Variants in HDAC5 observed in about 807,000 individuals in gnomAD.
HDAC5 encodes histone deacetylase 5, also known as antigen NY-CO-9.
A neutral mutation model predicts 133.3 loss-of-function variants in HDAC5; 25 were observed. The observed-to-expected ratio is 0.19, with a 90% confidence interval of 0.14 to 0.26. HDAC5 has a LOEUF of 0.26. HDAC5 is among the 10% of genes least tolerant of loss of function. The pLI is 1.00. For synonymous variants in HDAC5, 589 were observed against 610.8 expected (o/e 0.96, Z 0.53); for missense variants, 1,041 against 1,460.5 (o/e 0.71, Z 4.68).
Position 44,096,678 on chromosome 17 carries a change from G to A in HDAC5, c.95-2844C>T, listed in dbSNP as rs139290814. On this transcript the variant is annotated intron_variant, in intron 3 of 26. Coordinates refer to ENST00000682912, the MANE Select transcript of HDAC5 (RefSeq NM_005474.5). ...TTTAGTAGACACAAGGTTTCACCAT[G>A]TTGGCCAGGCTGGTCTCAAACTCTT... Among the ~76,000 whole-genome samples the A allele has an allele frequency of 1.4e-3, 216 of 152,078 alleles. 2 individuals carry two copies. Among genetic ancestry groups the A allele is most frequent in the African/African-American group, 5.0e-3 (208 of 41,492 alleles).
intron 20 of HDAC5, 115 bp from the exon 21 acceptor site, chr17:44,080,997 G>T: frequency 7.1e-7 from 1 of 1,416,508 alleles, no homozygotes; most frequent in Non-Finnish European, 9.8e-7. Flanking sequence ...ATTTTGGGAG[G>T]CTGAGGGCTG....
intron 9 of HDAC5, 58 bp downstream of exon 9, chr17:44,092,114 C>T (rs1292448543): frequency 6.8e-7 from 1 of 1,468,374 alleles, no homozygotes; most frequent in Non-Finnish European, 9.4e-7. Context: ...TGCACTCTTT[C>T]TTCCATGGGA....
rs1321396279 is a variant in HDAC5, at chr17:44,093,680, G to C, written c.249C>G (p.Leu83=). ...EQQLQQELLA[L]KQQQQLQKQL... is the part of the protein sequence containing the mutation. ...GCTTCTGCAGCTGCTGCTGCTGCTTGAGCGCCAGGAGCTCCTGCTGCAGTT... is the reference window on the plus strand; with the variant it reads ...GCTTCTGCAGCTGCTGCTGCTGCTTCAGCGCCAGGAGCTCCTGCTGCAGTT... The change falls in exon 4 of 27, where the codon CTC becomes CTG. Residue 83 remains leucine, a synonymous_variant. Coordinates refer to ENST00000682912, the MANE Select transcript of HDAC5 (RefSeq NM_005474.5). The C allele has an allele frequency of 6.2e-7, 1 of 1,609,482 alleles. No homozygotes were observed. Among genetic ancestry groups the C allele is most frequent in the East Asian group, 2.2e-5 (1 of 44,746 alleles).
At chr17:44,107,208 T>C (rs71371971) in intron 3 of HDAC5, among the ~76,000 whole-genome samples, 1,857 of 152,290 alleles carry the variant, frequency 0.012, 44 homozygotes, top group African/African-American at 0.042. Context: ...TCCCTCAGGC[T>C]TCCAAAGTGC....
Position 44,091,753 on chromosome 17 carries a change from T to C in HDAC5, c.1111A>G (p.Asn371Asp), listed in dbSNP as rs1289957360. 2 of 1,602,510 alleles carry C rather than the reference T, an allele frequency of 1.2e-6. No homozygotes were observed. The highest frequency in any genetic ancestry group is 1.7e-6 in the Non-Finnish European group (2 of 1,174,308). ...GTGGCCTGCAGCCCTAGGGAGATGT[T>C]GGGCAGAGAAGGAGACGTGTAGAGG... ...FSLYTSPSLP[N>D]ISLGLQATVT... The change falls in exon 10 of 27, where the codon AAC becomes GAC. Residue 371 changes from asparagine to aspartate, a missense_variant. By Grantham distance (23) the Asn-to-Asp change is conservative (BLOSUM62 1). This residue lies in a region of HDAC5 where 433 missense variants were observed against 531.6 expected (regional missense o/e 0.81). Transcript: ENST00000682912.
At chr17:44,095,360 A>G (rs1347316366) in intron 3 of HDAC5, among the ~76,000 whole-genome samples, 1 of 152,198 alleles carries the variant, frequency 6.6e-6, no homozygotes, top group African/African-American at 2.4e-5. Context: ...ATACTAGAAG[A>G]GAAACTGAGG....
At chr17:44,112,326 G>C (rs2052395599) in intron 2 of HDAC5, among the ~76,000 whole-genome samples, 1 of 152,070 alleles carries the variant, frequency 6.6e-6, no homozygotes, top group Non-Finnish European at 1.5e-5. Context: ...TGCACCATGA[G>C]GACCAGTGGC....
At chr17:44,081,027 G>T in intron 20 of HDAC5, 145 bp from the exon 21 acceptor site, 1 of 1,053,194 alleles carries the variant, frequency 9.5e-7, no homozygotes, top group Admixed American at 2.3e-5. Flanking sequence ...CTTGAGCCCA[G>T]GACTCCACCC....
intron 1 of HDAC5, 134 bp downstream of exon 1, chr17:44,123,370 G>T (rs1398750766): frequency 3.0e-6 from 1 of 338,272 alleles, no homozygotes; most frequent in Non-Finnish European, 5.3e-6. Flanking sequence ...CCCAGGGCCG[G>T]GAGGAAGGAA....
intron 12 of HDAC5, 24 bp downstream of exon 12, chr17:44,088,363 G>A (rs369684725): frequency 1.5e-5 from 23 of 1,544,766 alleles, no homozygotes; most frequent in Non-Finnish European, 1.7e-5. Context: ...CACAGCCCCA[G>A]GCCATTCACC....
At position 44,087,508 on chromosome 17, in the gene HDAC5, C is replaced by G; in HGVS notation, c.1788G>C (p.Glu596Asp). ...TAACCTGGATGCAATCCTCCTCCTC[C>G]TCCCCATCGTCTTCCTCGTCCTCCT... is the stretch of plus-strand genomic sequence containing the variant. ...LEEEDEEDDG[E>D]EEEDCIQVKD... Residue 596 changes from glutamate (E) to aspartate (D), a missense_variant, in exon 13 of 27, where the codon GAG becomes GAC. This residue lies in a region of HDAC5 where 433 missense variants were observed against 531.6 expected (regional missense o/e 0.81). Coordinates refer to ENST00000682912, the MANE Select transcript of HDAC5 (RefSeq NM_005474.5). 1 of 1,604,202 alleles carries G rather than the reference C, an allele frequency of 6.2e-7. No homozygotes were observed. The highest frequency in any genetic ancestry group is 8.5e-7 in the Non-Finnish European group (1 of 1,170,968).
At chr17:44,085,517 T>G (rs938773514) in intron 14 of HDAC5, among the ~76,000 whole-genome samples, 1 of 148,588 alleles carries the variant, frequency 6.7e-6, no homozygotes, top group Non-Finnish European at 1.5e-5. Flanking sequence ...TTTTCTTTTG[T>G]TTTTTTTTGA....
chr17:44,094,726 G>GTA (rs1027033077), intron 3 of HDAC5, among the ~76,000 whole-genome samples: 3 of 142,310 alleles, frequency 2.1e-5, no homozygotes, highest in Admixed American at 7.6e-5. Context: ...GTGTGTGTGT[G>GTA]TATATATATG....
At chr17:44,095,696 T>G (rs1466177410) in intron 3 of HDAC5, among the ~76,000 whole-genome samples, 1 of 148,744 alleles carries the variant, frequency 6.7e-6, no homozygotes, top group Non-Finnish European at 1.5e-5. Context: ...AAACAGCAGC[T>G]GTGCCTGGGG....
At chr17:44,083,713 C>A (rs2050505621) in intron 17 of HDAC5, 61 bp from the exon 18 acceptor site, 2 of 1,583,746 alleles carry the variant, frequency 1.3e-6, no homozygotes, top group Admixed American at 1.7e-5. Context: ...GGGGAGGGCA[C>A]CTGGACAGTG....
chr17:44,086,354 G>A (rs565347938), intron 14 of HDAC5, among the ~76,000 whole-genome samples: 11 of 152,310 alleles, frequency 7.2e-5, no homozygotes, highest in East Asian at 3.9e-4. Context: ...TTCCTTCAGC[G>A]GGGTGAGAAA....
chr17:44,122,738 T>TC (rs907802050), intron 1 of HDAC5, among the ~76,000 whole-genome samples: 11 of 151,572 alleles, frequency 7.3e-5, no homozygotes, highest in African/African-American at 2.7e-4. Flanking sequence ...AGAAGCTGAC[T>TC]CCCCCCAAGT....
In HDAC5 at chr17:44,123,495, C is replaced by A; in HGVS notation, c.-190+9G>T. The A allele has an allele frequency of 2.6e-6, 1 of 378,122 alleles. No individual in the cohort carries two copies. Among genetic ancestry groups the A allele is most frequent in the Non-Finnish European group, 4.7e-6 (1 of 213,390 alleles). 23.4% of individuals were successfully genotyped at this position (378,122 alleles called of 1,614,324 possible). ...GAAGATGGGATCTGGGCCGGGGCGG[C>A]GCGCTCACCCGCTGCGGCTCGAGCT... On this transcript the variant is annotated intron_variant, in intron 1 of 26. Coordinates refer to ENST00000682912, the MANE Select transcript of HDAC5 (RefSeq NM_005474.5).
intron 12 of HDAC5, among the ~76,000 whole-genome samples, chr17:44,088,007 C>A (rs2050750805): frequency 6.6e-6 from 1 of 151,960 alleles, no homozygotes; most frequent in Non-Finnish European, 1.5e-5. Flanking sequence ...CCACGCCCAG[C>A]TAATTTTTGT....
Sources: allele counts gnomAD v4.1 joint callset (sites outside exome capture counted in the v4.1 genomes callset), GRCh38; gene constraint gnomAD v4.1.1; regional missense constraint gnomAD v4.1.1; transcripts MANE v1.5; gene names NCBI Gene and HGNC (gene_info 2026-07-23, HGNC 2026-07-21).